Variants in TTLL9 observed in about 807,000 individuals in gnomAD.
TTLL9 encodes probable tubulin polyglutamylase TTLL9.
TTLL9 carries 47 observed loss-of-function variants against 65.6 expected under a neutral mutation model. The observed-to-expected ratio is 0.72, with a 90% CI of 0.57 to 0.91. The LOEUF (loss-of-function observed/expected upper bound fraction) is 0.91. TTLL9 is among the 40% of genes least tolerant of loss of function. TTLL9 has a pLI of 0.00. For synonymous variants in TTLL9, 179 were observed against 204.8 expected, an observed-to-expected ratio of 0.87 and a Z score of 1.07; for missense variants, 537 against 568.8, an observed-to-expected ratio of 0.94 and a Z score of 0.57.
At chr20:31,909,363 C>T (rs924096369) in intron 5 of TTLL9, among the ~76,000 whole-genome samples, 4 of 151,964 alleles carry the variant, frequency 2.6e-5, no homozygotes, top group Non-Finnish European at 4.4e-5. Context: ...AGGATGGTCT[C>T]GAACTCCTGA....
intron 2 of TTLL9, among the ~76,000 whole-genome samples, chr20:31,882,325 G>T (rs1377725840): frequency 6.6e-6 from 1 of 152,162 alleles, no homozygotes; most frequent in Non-Finnish European, 1.5e-5. Context: ...CAATGAAGCT[G>T]ATCTCTGGTT....
intron 2 of TTLL9, among the ~76,000 whole-genome samples, chr20:31,883,312 C>G (rs1313170328): frequency 6.6e-6 from 1 of 151,944 alleles, no homozygotes; most frequent in Admixed American, 6.6e-5. Context: ...ATTCTTTTGC[C>G]TCAGCCTCCC....
At position 31,943,549 on chromosome 20, in the gene TTLL9, T is replaced by C. The variant is rs1037308392; in HGVS notation, c.*528T>C. The stretch of plus-strand genomic sequence containing the variant: ...AAGCAGTTATTAGATTGTGTGTTTA[T>C]TGGGGGCCTGGGGAAGTACTGAGCC... On this transcript the variant is annotated 3_prime_UTR_variant, in exon 15 of 15. Transcript: ENST00000535842. 1.2e-5 allele frequency: 4 copies of C among 345,066 alleles called. No homozygotes were observed. The highest frequency in any genetic ancestry group is 7.5e-5 in the Admixed American group (2 of 26,514). 21.4% of individuals were successfully genotyped at this position (345,066 alleles called of 1,614,324 possible).
intron 10 of TTLL9, 76 bp from the exon 11 acceptor site, chr20:31,933,724 T>C (rs1443992208): frequency 7.2e-7 from 1 of 1,393,374 alleles, no homozygotes; most frequent in Admixed American, 1.9e-5. Flanking sequence ...CAATTCTCAG[T>C]TCAGTCCTGG....
Position 31,944,460 on chromosome 20 carries a change from G to A in TTLL9, c.*1439G>A, listed in dbSNP as rs533189360. The A allele has an allele frequency of 9.2e-4, 140 of 152,794 alleles. 1 individual carries two copies. The highest frequency in any genetic ancestry group is 3.4e-3 in the Middle Eastern group (1 of 294). The allele number at this position is 152,794 out of a possible 1,614,324, so 9.5% of individuals were successfully genotyped here. On this transcript the variant is annotated 3_prime_UTR_variant, in exon 15 of 15. Coordinates refer to ENST00000535842, the MANE Select transcript of TTLL9 (RefSeq NM_001008409.5). ...ACATCTCCTTCCCTCCCACCTGTGC[G>A]CCCCAACCCTGCAGGTGCTGTTCTG... is the stretch of plus-strand genomic sequence containing the variant.
intron 3 of TTLL9, among the ~76,000 whole-genome samples, chr20:31,887,863 C>CTTCTCTTCTCTTCTCTTCTA: frequency 7.2e-6 from 1 of 138,188 alleles, no homozygotes; most frequent in East Asian, 2.0e-4. Flanking sequence ...CTCCTCTTCT[C>CTTCTCTTCTCTTCTCTTCTA]TTCTCTTCTC....
intron 12 of TTLL9, among the ~76,000 whole-genome samples, chr20:31,936,447 G>C (rs2064110466): frequency 6.6e-6 from 1 of 151,784 alleles, no homozygotes; most frequent in African/African-American, 2.4e-5. Flanking sequence ...TCTAGCCTGA[G>C]TGACAGAACT....
intron 4 of TTLL9, among the ~76,000 whole-genome samples, chr20:31,906,036 A>AC (rs1451726193): frequency 6.6e-6 from 1 of 150,618 alleles, no homozygotes; most frequent in Non-Finnish European, 1.5e-5. Context: ...TTCATCTCAA[A>AC]AAAAAAAAAA....
intron 3 of TTLL9, among the ~76,000 whole-genome samples, chr20:31,890,143 TTCCTTCCTTCC>T (rs2063279341): frequency 3.5e-5 from 4 of 113,006 alleles, no homozygotes; most frequent in East Asian, 2.3e-4. Flanking sequence ...CCTTCCTTCC[TTCCTTCCTTCC>T]TTCTTTCTTT....
At position 31,908,592 on chromosome 20, in the gene TTLL9, G is replaced by T. The variant is rs564856380; in HGVS notation, c.208G>T (p.Glu70Ter). The T allele has an allele frequency of 3.1e-6, 5 of 1,597,428 alleles. No individual in the cohort carries two copies. The highest frequency in any genetic ancestry group is 4.3e-6 in the Non-Finnish European group (5 of 1,165,024). Residue 70 changes from glutamate to a stop codon, truncating the protein, a stop_gained and splice_region_variant, in exon 5 of 15, where the codon GAA (glutamate) becomes TAA (stop). Coordinates refer to ENST00000535842, the MANE Select transcript of TTLL9 (RefSeq NM_001008409.5). LOFTEE classifies it high-confidence loss of function. ...HRPGWVEVKD[E>*]GEWDFYWCDV... ...TCCCCGCCCCCACCCCACCCCCAGC[G>T]AAGGGGAGTGGGATTTCTACTGGTG...
intron 10 of TTLL9, among the ~76,000 whole-genome samples, chr20:31,929,552 T>G (rs1304714715): frequency 6.6e-6 from 1 of 152,214 alleles, no homozygotes; most frequent in Non-Finnish European, 1.5e-5. Context: ...ATACAACATT[T>G]TCTTGCACTA....
At chr20:31,881,943 C>T (rs2063123746) in intron 2 of TTLL9, among the ~76,000 whole-genome samples, 1 of 152,086 alleles carries the variant, frequency 6.6e-6, no homozygotes, top group Non-Finnish European at 1.5e-5. Flanking sequence ...TGGACTACTT[C>T]TTTGTGATGC....
At chr20:31,906,393 TCTCCTTGCGGC>T (rs1479639972) in intron 4 of TTLL9, among the ~76,000 whole-genome samples, 1 of 152,218 alleles carries the variant, frequency 6.6e-6, no homozygotes, top group Non-Finnish European at 1.5e-5. Flanking sequence ...TCTCATGGGT[TCTCCTTGCGGC>T]CTCACGGCCC....
chr20:31,912,091 A>C (rs964173172), intron 6 of TTLL9, among the ~76,000 whole-genome samples: 2 of 152,136 alleles, frequency 1.3e-5, no homozygotes, highest in Non-Finnish European at 2.9e-5. Flanking sequence ...GTTGTGAGAG[A>C]ATACAGTGAA....
chr20:31,889,099 G>A (rs916226288), intron 3 of TTLL9, among the ~76,000 whole-genome samples: 3 of 151,826 alleles, frequency 2.0e-5, no homozygotes, highest in African/African-American at 7.3e-5. Context: ...TTATTTATGT[G>A]CCTTATTGAG....
intron 2 of TTLL9, among the ~76,000 whole-genome samples, chr20:31,883,227 T>G (rs1165156459): frequency 6.8e-6 from 1 of 147,486 alleles, no homozygotes; most frequent in African/African-American, 2.5e-5. Context: ...TGAAACAGAG[T>G]CTTGCCATCA....
intron 10 of TTLL9, among the ~76,000 whole-genome samples, chr20:31,931,379 G>A (rs1001280434): frequency 2.0e-5 from 3 of 151,944 alleles, no homozygotes; most frequent in African/African-American, 7.3e-5. Context: ...GGGCTCAAAT[G>A]ATCCTCCCAC....
At position 31,881,419 on chromosome 20, in the gene TTLL9, G is replaced by A. The variant is rs183076832; in HGVS notation, c.70-5777G>A. 1.2e-4 allele frequency among the ~76,000 whole-genome samples: 18 copies of A among 152,134 alleles called. No homozygotes were observed. The East Asian group carries it at 3.5e-3, about 29-fold the overall frequency. On this transcript the variant is annotated intron_variant, in intron 2 of 14. Transcript: ENST00000535842. ...TCTAGATGCTCAGCTAAAAAACTGG[G>A]ACTGTTGACTCCTCCATCTTCCTCA... is the stretch of plus-strand genomic sequence containing the variant.
chr20:31,904,409 G>T (rs924996482), intron 4 of TTLL9, among the ~76,000 whole-genome samples: 1 of 138,086 alleles, frequency 7.2e-6, no homozygotes, highest in Non-Finnish European at 1.5e-5. Flanking sequence ...CTAGGCTGGA[G>T]TGCAGTGGTA....
Sources: allele counts gnomAD v4.1 joint callset (sites outside exome capture counted in the v4.1 genomes callset), GRCh38; gene constraint gnomAD v4.1.1; transcripts MANE v1.5; gene names NCBI Gene and HGNC (gene_info 2026-07-23, HGNC 2026-07-21).